WASF2: variants seen among roughly 807,000 people sequenced by gnomAD.
The protein encoded by WASF2 is actin-binding protein WASF2.
In WASF2, 14 loss-of-function variants were observed where a neutral mutation model predicts 45.0. The ratio of observed to expected loss-of-function variants is 0.31; its 90% CI spans 0.21 to 0.49. The LOEUF (loss-of-function observed/expected upper bound fraction) is 0.49, where lower values mean the gene tolerates loss of function less well. Among genes scored for constraint, WASF2 ranks in the 20% least tolerant of loss-of-function variants. The pLI is 0.99. For synonymous variants in WASF2, 200 were observed against 236.3 expected, an observed-to-expected ratio of 0.85 and a Z score of 1.41; for missense variants, 439 against 636.1, an observed-to-expected ratio of 0.69 and a Z score of 3.33.
At chr1:27,467,349 G>A (rs2148135118) in intron 1 of WASF2, among the ~76,000 whole-genome samples, 2 of 148,502 alleles carry the variant, frequency 1.3e-5, no homozygotes, top group Middle Eastern at 6.8e-3. Context: ...TGTCCAGGCT[G>A]GAATGCAGTG....
intron 1 of WASF2, among the ~76,000 whole-genome samples, chr1:27,462,951 C>A (rs1375176172): frequency 1.3e-5 from 2 of 152,056 alleles, no homozygotes; most frequent in South Asian, 4.1e-4. Flanking sequence ...TCCCAAGTAG[C>A]TGGGATTACA....
intron 1 of WASF2, among the ~76,000 whole-genome samples, chr1:27,483,006 G>A (rs1337679746): frequency 6.6e-6 from 1 of 152,134 alleles, no homozygotes; most frequent in Non-Finnish European, 1.5e-5. Context: ...ACCATGAAAT[G>A]GAAGAGGAGC....
At chr1:27,469,149 A>T (rs572020264) in intron 1 of WASF2, among the ~76,000 whole-genome samples, 1 of 152,234 alleles carries the variant, frequency 6.6e-6, no homozygotes, top group Non-Finnish European at 1.5e-5. Context: ...TATACACAGA[A>T]ATTAGCATTT....
intron 1 of WASF2, among the ~76,000 whole-genome samples, chr1:27,437,628 A>G (rs2017154569): frequency 6.6e-6 from 1 of 152,188 alleles, no homozygotes; most frequent in Admixed American, 6.5e-5. Flanking sequence ...TACTTTCCCA[A>G]TCTAATGCCA....
In WASF2 at chr1:27,405,631, T is replaced by C. The variant is rs1246447637; in HGVS notation, c.*2558A>G. 1.0e-4 allele frequency: 8 copies of C among 80,320 alleles called. No individual in the cohort carries two copies. The highest frequency in any genetic ancestry group is 3.8e-4 in the African/African-American group (8 of 21,096). The allele number at this position is 80,320 out of a possible 1,614,324, so 5.0% of individuals were successfully genotyped here. A position where few individuals can be genotyped will look rare whatever the true frequency, so the allele number is the denominator to read the frequency against. On this transcript the variant is annotated 3_prime_UTR_variant, in exon 9 of 9. Transcript: ENST00000618852. ...TTTTTTTTTTTTTTTTTTTTTTTTT[T>C]GGTGCATATGCATAAGTGGAGCCCA...
At chr1:27,475,779 C>A (rs2017757895) in intron 1 of WASF2, among the ~76,000 whole-genome samples, 1 of 152,152 alleles carries the variant, frequency 6.6e-6, no homozygotes, top group African/African-American at 2.4e-5. Flanking sequence ...AGGTGCACAC[C>A]ATCACACCCA....
At chr1:27,488,398 A>G (rs1250272298) in intron 1 of WASF2, among the ~76,000 whole-genome samples, 1 of 152,208 alleles carries the variant, frequency 6.6e-6, no homozygotes, top group Non-Finnish European at 1.5e-5. Flanking sequence ...CCTTTCACCC[A>G]AGAAATCCAA....
At chr1:27,459,256 A>C (rs1266112253) in intron 1 of WASF2, 1 of 152,114 alleles carries the variant, frequency 6.6e-6, no homozygotes. Flanking sequence ...AATCTCTCGG[A>C]CTCAAGTGAT....
intron 1 of WASF2, among the ~76,000 whole-genome samples, chr1:27,451,540 G>A (rs1277361090): frequency 6.6e-6 from 1 of 152,146 alleles, no homozygotes; most frequent in Non-Finnish European, 1.5e-5. Context: ...AAAAGCTATA[G>A]GGAGCTATTT....
chr1:27,472,650 C>CAAAA (rs1206351562), intron 1 of WASF2, among the ~76,000 whole-genome samples: 2 of 59,238 alleles, frequency 3.4e-5, no homozygotes, highest in South Asian at 1.1e-3. Context: ...ACCCCGTCTC[C>CAAAA]AAAAAAAAAA....
chr1:27,439,670 A>T (rs2017182066), intron 1 of WASF2, among the ~76,000 whole-genome samples: 1 of 152,210 alleles, frequency 6.6e-6, no homozygotes, highest in East Asian at 1.9e-4. Flanking sequence ...ATCACTGTGA[A>T]CTGAAGGGAC....
chr1:27,436,316 T>C (rs920098335), intron 1 of WASF2, among the ~76,000 whole-genome samples: 8 of 151,964 alleles, frequency 5.3e-5, no homozygotes, highest in African/African-American at 1.7e-4. Context: ...TGTAGTGGCA[T>C]GCGGCTGTAG....
intron 2 of WASF2, among the ~76,000 whole-genome samples, chr1:27,426,150 G>T (rs559454679): frequency 6.6e-6 from 1 of 152,366 alleles, no homozygotes; most frequent in Admixed American, 6.5e-5. Context: ...CAGTGAGGAA[G>T]AGGGGAGAGA....
Position 27,471,270 on chromosome 1 carries a change from G to A in WASF2, c.-44+18716C>T, listed in dbSNP as rs1379471666. ...TGAGGCAGGAGAATGGCGTGAACCCGGGAGGCGGAGCTTGCAGTGAGCCGA... is the reference window on the plus strand; with the variant it reads ...TGAGGCAGGAGAATGGCGTGAACCCAGGAGGCGGAGCTTGCAGTGAGCCGA... On this transcript the variant is annotated intron_variant, in intron 1 of 8. Transcript: ENST00000618852. 2.7e-5 allele frequency among the ~76,000 whole-genome samples: 4 copies of A among 149,974 alleles called. No individual in the cohort carries two copies. In the South Asian group the frequency reaches 6.3e-4, roughly 24 times the overall value.
chr1:27,408,442 T>C, intron 8 of WASF2, 96 bp from the exon 9 acceptor site: 3 of 1,504,540 alleles, frequency 2.0e-6, no homozygotes, highest in Non-Finnish European at 2.7e-6. Flanking sequence ...AATGGGTAAG[T>C]GGTATTGGAA....
At chr1:27,424,426 C>T (rs375199064) in intron 2 of WASF2, among the ~76,000 whole-genome samples, 3 of 152,172 alleles carry the variant, frequency 2.0e-5, no homozygotes, top group African/African-American at 7.2e-5. Flanking sequence ...AATATATAGG[C>T]GTGAATTATT....
Position 27,428,764 on chromosome 1 carries a change from G to A in WASF2, c.127C>T (p.Leu43=), listed in dbSNP as rs756271732. 10 of 1,614,194 alleles carry A rather than the reference G, an allele frequency of 6.2e-6. No homozygotes were observed. In the East Asian group the frequency reaches 2.2e-4, roughly 36 times the overall value. Residue 43 remains leucine (L), a synonymous_variant, in exon 2 of 9, where the codon CTG becomes TTG. Coordinates refer to ENST00000618852, the MANE Select transcript of WASF2 (RefSeq NM_006990.5). ...ACAGGCTCTCTGAGGCACTCACTCA[G>A]GCTGCCCAGCTGTCGGATGACATTT... ...LANVIRQLGS[L]SKYAEDIFGE... is the part of the protein sequence containing the mutation.
intron 1 of WASF2, among the ~76,000 whole-genome samples, chr1:27,477,292 C>A (rs530941029): frequency 6.6e-6 from 1 of 152,246 alleles, no homozygotes; most frequent in African/African-American, 2.4e-5. Context: ...GTAATCCCAG[C>A]ACTTTGGGAG....
At chr1:27,454,171 ATATATATATATATATATTTT>A (rs1379093548) in intron 1 of WASF2, among the ~76,000 whole-genome samples, 97 of 38,114 alleles carry the variant, frequency 2.5e-3, no homozygotes, top group South Asian at 9.8e-3. Context: ...ATATATATAT[ATATATATATATATATATTTT>A]TTTTTTTTTT....
Sources: allele counts gnomAD v4.1 joint callset (sites outside exome capture counted in the v4.1 genomes callset), GRCh38; gene constraint gnomAD v4.1.1; transcripts MANE v1.5; gene names NCBI Gene and HGNC (gene_info 2026-07-23, HGNC 2026-07-21).